The following CAMTA1 variants were observed in gnomAD, a reference collection of about 807,000 sequenced individuals.
CAMTA1 encodes calmodulin-binding transcription activator 1.
A neutral mutation model predicts 170.9 loss-of-function variants in CAMTA1; 27 were observed. The observed-to-expected ratio is 0.16, with a 90% confidence interval of 0.12 to 0.22. The LOEUF (loss-of-function observed/expected upper bound fraction) is 0.22. Among genes scored for constraint, CAMTA1 ranks in the 10% least tolerant of loss-of-function variants. The probability of loss-of-function intolerance (pLI) is 1.00; values close to 1 mark genes in which losing one functional copy is unlikely to be tolerated. For synonymous variants in CAMTA1, 833 were observed against 891.5 expected (o/e 0.93, Z 1.17); for missense variants, 1,619 against 2,217.2 (o/e 0.73, Z 5.42).
intron 3 of CAMTA1, among the ~76,000 whole-genome samples, chr1:7,080,287 A>G (rs892190033): frequency 4.6e-5 from 7 of 152,152 alleles, no homozygotes; most frequent in Non-Finnish European, 7.3e-5. Flanking sequence ...ATCTCTCAAA[A>G]TAGGTGGATT....
intron 5 of CAMTA1, among the ~76,000 whole-genome samples, chr1:7,458,845 A>C (rs2093019852): frequency 6.6e-6 from 1 of 152,222 alleles, no homozygotes; most frequent in Non-Finnish European, 1.5e-5. Flanking sequence ...TAATATTCCA[A>C]ATCTCTGCTG....
At chr1:7,186,707 A>G (rs903473303) in intron 4 of CAMTA1, among the ~76,000 whole-genome samples, 1 of 152,192 alleles carries the variant, frequency 6.6e-6, no homozygotes, top group African/African-American at 2.4e-5. Flanking sequence ...TTCATTCATT[A>G]TTTAATTTAT....
chr1:7,449,769 C>CA (rs59913060), intron 5 of CAMTA1, among the ~76,000 whole-genome samples: 12,187 of 79,298 alleles, frequency 0.15, 854 homozygotes, highest in Middle Eastern at 0.26. Flanking sequence ...GACTCGGTCT[C>CA]AAAAAAAAAA....
chr1:7,672,351 GC>G (rs955385550), intron 10 of CAMTA1, among the ~76,000 whole-genome samples: 3 of 152,052 alleles, frequency 2.0e-5, no homozygotes, highest in Non-Finnish European at 4.4e-5. Flanking sequence ...CTTGAACCAT[GC>G]CCCCAGGCTG....
intron 5 of CAMTA1, among the ~76,000 whole-genome samples, chr1:7,355,550 G>T (rs940153338): frequency 1.3e-5 from 2 of 152,112 alleles, no homozygotes; most frequent in South Asian, 4.1e-4. Context: ...TATAGCTCAA[G>T]TCCATCTGCT....
In CAMTA1 at chr1:7,063,675, TA is replaced by T. The variant is rs1240873501; in HGVS notation, c.235-27628del. ...CCATTTGCATTTGGACTTAGATTAT[TA>T]GACATTTTCTTCTTATAAAAATCAG... On this transcript the variant is annotated intron_variant, in intron 3 of 22. Coordinates refer to ENST00000303635, the MANE Select transcript of CAMTA1 (RefSeq NM_015215.4). The surrounding 1 kb of genome is among the most constrained non-coding windows in gnomAD (Gnocchi z 4.3). 6.6e-6 allele frequency among the ~76,000 whole-genome samples: 1 copy of T among 152,196 alleles called. No individual in the cohort carries two copies. Among genetic ancestry groups the T allele is most frequent in the Non-Finnish European group, 1.5e-5 (1 of 68,028 alleles).
At chr1:7,166,713 G>A (rs1462362749) in intron 4 of CAMTA1, among the ~76,000 whole-genome samples, 1 of 150,736 alleles carries the variant, frequency 6.6e-6, no homozygotes, top group Non-Finnish European at 1.5e-5. Flanking sequence ...TCTTGAGTTT[G>A]CTCTATGCAT....
At chr1:7,427,083 A>T (rs1475328854) in intron 5 of CAMTA1, among the ~76,000 whole-genome samples, 3 of 152,180 alleles carry the variant, frequency 2.0e-5, no homozygotes, top group Non-Finnish European at 4.4e-5. Flanking sequence ...TCCATCCTCA[A>T]GGACAAGCGA....
At chr1:7,264,509 G>A (rs1441192750) in intron 5 of CAMTA1, among the ~76,000 whole-genome samples, 1 of 152,156 alleles carries the variant, frequency 6.6e-6, no homozygotes, top group Non-Finnish European at 1.5e-5. Context: ...AAAGCCACGT[G>A]TGTAGAGCAC....
chr1:7,340,375 T>C (rs1416172309), intron 5 of CAMTA1, among the ~76,000 whole-genome samples: 2 of 152,060 alleles, frequency 1.3e-5, no homozygotes, highest in Non-Finnish European at 2.9e-5. Flanking sequence ...GGAAAAGGCA[T>C]GTGAAGTGCT....
chr1:7,666,426 C>G (rs1436991595), intron 9 of CAMTA1, among the ~76,000 whole-genome samples: 2 of 152,190 alleles, frequency 1.3e-5, no homozygotes, highest in African/African-American at 4.8e-5. Flanking sequence ...TCCCGGGGAT[C>G]TGACTTTGAG....
chr1:7,560,577 C>A (rs750774721), intron 6 of CAMTA1, among the ~76,000 whole-genome samples: 2 of 152,244 alleles, frequency 1.3e-5, no homozygotes, highest in Admixed American at 1.3e-4. Context: ...CCAAAGCCAG[C>A]CATTAGGTCC....
intron 11 of CAMTA1, among the ~76,000 whole-genome samples, chr1:7,716,769 C>T (rs541552343): frequency 2.0e-5 from 3 of 152,228 alleles, no homozygotes; most frequent in Non-Finnish European, 2.9e-5. Flanking sequence ...CCCACCACTG[C>T]GTCTGTAGCC....
chr1:6,932,911 T>C (rs1044419746), intron 3 of CAMTA1, among the ~76,000 whole-genome samples: 23 of 152,236 alleles, frequency 1.5e-4, no homozygotes, highest in African/African-American at 5.5e-4. Flanking sequence ...ATATATGCTT[T>C]GCAGAGATTT....
chr1:7,359,292 G>T (rs2149962125), intron 5 of CAMTA1, among the ~76,000 whole-genome samples: 1 of 152,240 alleles, frequency 6.6e-6, no homozygotes, highest in Admixed American at 6.5e-5. Flanking sequence ...ATGCTGAGTG[G>T]GTCCTAGGCT....
chr1:6,896,067 C>G (rs957256996), intron 3 of CAMTA1, among the ~76,000 whole-genome samples: 5 of 152,150 alleles, frequency 3.3e-5, no homozygotes, highest in Admixed American at 6.5e-5. Flanking sequence ...AAGAAGAGCT[C>G]CCACTTGGTG....
chr1:6,925,187 C>T (rs1474889513), intron 3 of CAMTA1, among the ~76,000 whole-genome samples: 1 of 152,246 alleles, frequency 6.6e-6, no homozygotes, highest in African/African-American at 2.4e-5. Context: ...TGCTCCATCC[C>T]TGCCTTGTCT....
chr1:7,218,391 A>C (rs1019525660), intron 4 of CAMTA1, among the ~76,000 whole-genome samples: 1 of 151,778 alleles, frequency 6.6e-6, no homozygotes. Context: ...CGCCACATTG[A>C]GTGGTTCGTG....
At chr1:7,332,064 G>T (rs1298840386) in intron 5 of CAMTA1, among the ~76,000 whole-genome samples, 4 of 152,134 alleles carry the variant, frequency 2.6e-5, no homozygotes, top group Non-Finnish European at 5.9e-5. Flanking sequence ...GGAGACTCTG[G>T]GATCATGCTT....
Sources: allele counts gnomAD v4.1 joint callset (sites outside exome capture counted in the v4.1 genomes callset), GRCh38; gene constraint gnomAD v4.1.1; non-coding constraint Gnocchi (gnomAD v3.1); transcripts MANE v1.5; gene names NCBI Gene and HGNC (gene_info 2026-07-23, HGNC 2026-07-21).